The following LETM1 variants were observed in gnomAD, a reference collection of about 807,000 sequenced individuals.
LETM1 encodes the protein mitochondrial proton/calcium exchanger protein.
In LETM1, 50 loss-of-function variants were observed where a neutral mutation model predicts 74.5. The ratio of observed to expected loss-of-function variants is 0.67; its 90% CI spans 0.53 to 0.85. LETM1 has a LOEUF of 0.85. LETM1 is among the 40% of genes least tolerant of loss of function. The pLI, the probability that LETM1 is intolerant of heterozygous loss-of-function variation, is 0.00. For synonymous variants in LETM1, 446 were observed against 407.1 expected (o/e 1.10, Z -1.15); for missense variants, 824 against 967.8 (o/e 0.85, Z 1.97).
chr4:1,841,643 G>T lies in LETM1; in HGVS notation c.298C>A (p.Pro100Thr), dbSNP rs577903609. 1 of 1,614,164 alleles carries T rather than the reference G, an allele frequency of 6.2e-7. No individual in the cohort carries two copies. The highest frequency in any genetic ancestry group is 1.1e-5 in the South Asian group (1 of 91,078). ...CAGCCACGCACAGGAAGGCACTGAGGTCCCACAGCCACAAAACCCACAGAG... is the reference window on the plus strand; with the variant it reads ...CAGCCACGCACAGGAAGGCACTGAGTTCCCACAGCCACAAAACCCACAGAG... ...STSVGFVAVG[P>T]QCLPVRGWHS... The change falls in exon 3 of 14, where the codon CCT becomes ACT. Residue 100 changes from proline (P) to threonine (T), a missense_variant. Transcript: ENST00000302787.
rs1712479485 is a variant in LETM1 at position 1,836,907 on chromosome 4, C to G, written c.595-335G>C. Among the ~76,000 whole-genome samples, 2 of 152,110 alleles carry G rather than the reference C, an allele frequency of 1.3e-5. 1 individual carries two copies. The highest frequency in any genetic ancestry group is 4.2e-4 in the South Asian group (2 of 4,816). ...GCAAGTGAGGGCTGCAGGCTGAGGA[C>G]TGGGCATTACTAGCGTGGTGGAGAG... On this transcript the variant is annotated intron_variant, in intron 3 of 13. Transcript: ENST00000302787. The surrounding 1 kb of genome is among the most constrained non-coding windows in gnomAD (Gnocchi z 5.8).
At position 1,855,940 on chromosome 4, in the gene LETM1, A is replaced by T; in HGVS notation, c.11T>A (p.Ile4Asn). 1 of 1,224,276 alleles carries T rather than the reference A, an allele frequency of 8.2e-7. No individual in the cohort carries two copies. The highest frequency in any genetic ancestry group is 1.6e-5 in the African/African-American group (1 of 63,422). 75.8% of individuals were successfully genotyped at this position (1,224,276 alleles called of 1,614,324 possible). Residue 4 changes from isoleucine (I) to asparagine (N), a missense_variant, in exon 1 of 14, where the codon ATC becomes AAC. By Grantham distance (149) the Ile-to-Asn change is moderately radical. Coordinates refer to ENST00000302787, the MANE Select transcript of LETM1 (RefSeq NM_012318.3). ...CCGGCCGCGGCAGCTCCTCAGTAAG[A>T]TGGACGCCATGTGCTCGGGCGCGGC... Reference protein sequence around the residue: MASILLRSCRGRAP... With the variant: MASNLLRSCRGRAP...
chr4:1,821,120 G>GA (rs1711758585), intron 10 of LETM1, among the ~76,000 whole-genome samples: 1 of 149,630 alleles, frequency 6.7e-6, no homozygotes. Flanking sequence ...GCTAAAAAGT[G>GA]AAATTTTTTT....
In LETM1 at chr4:1,836,946, C is replaced by T. The variant is rs529904838; in HGVS notation, c.595-374G>A. Among the ~76,000 whole-genome samples, 1 of 152,306 alleles carries T rather than the reference C, an allele frequency of 6.6e-6. No individual in the cohort carries two copies. The highest frequency in any genetic ancestry group is 2.1e-4 in the South Asian group (1 of 4,828). ...CGTGGTGGAGAGTCACCAGGATAGG[C>T]TGAGCCACACCTTCTCTTGGAGGGT... is the stretch of plus-strand genomic sequence containing the variant. On this transcript the variant is annotated intron_variant, in intron 3 of 13. Transcript: ENST00000302787. The surrounding 1 kb of genome is among the most constrained non-coding windows in gnomAD (Gnocchi z 5.8).
At chr4:1,823,263 A>C (rs1711855345) in intron 8 of LETM1, 132 bp from the exon 9 acceptor site, 3 of 1,243,890 alleles carry the variant, frequency 2.4e-6, no homozygotes, top group Non-Finnish European at 3.3e-6. Context: ...GACAGAAGGC[A>C]CTGCCGAGGT....
intron 2 of LETM1, among the ~76,000 whole-genome samples, chr4:1,848,547 CAA>C (rs35425818): frequency 1.7e-4 from 12 of 72,254 alleles, no homozygotes; most frequent in Admixed American, 4.9e-4. Context: ...GACTCCGTCT[CAA>C]AAAAAAAAAA....
At chr4:1,815,201 G>T (rs1283175201) in intron 13 of LETM1, among the ~76,000 whole-genome samples, 1 of 152,212 alleles carries the variant, frequency 6.6e-6, no homozygotes, top group Non-Finnish European at 1.5e-5. Flanking sequence ...GCTGCACTTG[G>T]GAGCTCAGCC....
intron 11 of LETM1, 69 bp downstream of exon 11, chr4:1,819,269 C>CT (rs952993688): frequency 6.7e-7 from 1 of 1,481,754 alleles, no homozygotes; most frequent in Non-Finnish European, 9.1e-7. Flanking sequence ...ATTATGTATA[C>CT]TTTTGGGGCC....
At chr4:1,833,066 ACTT>A (rs764381876) in intron 5 of LETM1, 119 bp from the exon 6 acceptor site, 255 of 802,768 alleles carry the variant, frequency 3.2e-4, no homozygotes, top group African/African-American at 5.0e-4. Context: ...ACCACTGACT[ACTT>A]CTTCTTTTTT....
intron 8 of LETM1, 25 bp from the exon 9 acceptor site, chr4:1,823,156 G>C (rs766506247): frequency 1.2e-5 from 18 of 1,556,956 alleles, no homozygotes; most frequent in Non-Finnish European, 1.6e-5. Context: ...ACATCTGTGG[G>C]TGAGCCCAGA....
intron 6 of LETM1, among the ~76,000 whole-genome samples, chr4:1,828,486 G>A (rs1163584159): frequency 4.2e-5 from 5 of 120,144 alleles, no homozygotes; most frequent in African/African-American, 7.2e-5. Context: ...CGGACGGGGC[G>A]GCTGGCCGGG....
rs779899501 is a variant in LETM1, at chr4:1,823,057, C to T, written c.1407G>A (p.Thr469=). The change falls in exon 9 of 14, where the codon ACG becomes ACA. Residue 469 remains threonine, a synonymous_variant. Coordinates refer to ENST00000302787, the MANE Select transcript of LETM1 (RefSeq NM_012318.3). ...GCTGGATGGCCGCCTCCTCCTGCAG[C>T]GTGGCCTCCAGCTTGGCCTTGTTGT... is the stretch of plus-strand genomic sequence containing the variant. ...QVDNKAKLEA[T]LQEEAAIQQE... is the part of the protein sequence containing the mutation. The T allele has an allele frequency of 5.0e-6, 8 of 1,610,134 alleles. No individual in the cohort carries two copies. The Admixed American group carries it at 5.0e-5, about 10-fold the overall frequency.
chr4:1,832,299 T>C (rs1285599834), intron 6 of LETM1, among the ~76,000 whole-genome samples: 1 of 149,258 alleles, frequency 6.7e-6, no homozygotes, highest in Non-Finnish European at 1.5e-5. Context: ...CGAAACACCG[T>C]CTCAAAAAAA....
Position 1,834,362 on chromosome 4 carries a change from C to T in LETM1, c.876+483G>A. 2 of 987,682 alleles carry T rather than the reference C, an allele frequency of 2.0e-6. No homozygotes were observed. The highest frequency in any genetic ancestry group is 9.3e-5 in the South Asian group (2 of 21,516). 61.2% of individuals were successfully genotyped at this position (987,682 alleles called of 1,614,324 possible). On this transcript the variant is annotated intron_variant, in intron 5 of 13. Coordinates refer to ENST00000302787, the MANE Select transcript of LETM1 (RefSeq NM_012318.3). This position sits in a 1 kb window ranked among gnomAD's most constrained non-coding sequence, Gnocchi z 5.0. The stretch of plus-strand genomic sequence containing the variant: ...GTGGCAGCTGCCGTCTCCCCATCCT[C>T]ACCTCACTCACCACATGACCGCAGG...
chr4:1,817,002 T>G (rs750951405), intron 11 of LETM1, 88 bp from the exon 12 acceptor site: 222 of 1,132,174 alleles, frequency 2.0e-4, no homozygotes, highest in Non-Finnish European at 2.6e-4. Context: ...TCCCAGTACT[T>G]TGCAAGGCCA....
At chr4:1,854,298 G>A (rs903935880) in intron 1 of LETM1, among the ~76,000 whole-genome samples, 2 of 150,532 alleles carry the variant, frequency 1.3e-5, no homozygotes, top group Admixed American at 1.3e-4. Context: ...TGACCAACAT[G>A]GTGAAACCCC....
At chr4:1,824,518 C>T (rs1261089678) in intron 7 of LETM1, among the ~76,000 whole-genome samples, 7 of 151,980 alleles carry the variant, frequency 4.6e-5, no homozygotes, top group Admixed American at 4.6e-4. Flanking sequence ...GAACACGGGG[C>T]AAAACATGAG....
At chr4:1,819,498 A>C in intron 10 of LETM1, 26 bp from the exon 11 acceptor site, 1 of 1,602,788 alleles carries the variant, frequency 6.2e-7, no homozygotes, top group Non-Finnish European at 8.5e-7. Flanking sequence ...GCAAACAACA[A>C]AGCCTGAGCC....
In LETM1 at chr4:1,853,391, A is replaced by G. The variant is rs559597458; in HGVS notation, c.82+2478T>C. On this transcript the variant is annotated intron_variant, in intron 1 of 13. Coordinates refer to ENST00000302787, the MANE Select transcript of LETM1 (RefSeq NM_012318.3). ...CACTTCAGCCTACTGATCAAGGTCAACATCAACAGTGACAAATCATTTGGA... is the reference window on the plus strand; with the variant it reads ...CACTTCAGCCTACTGATCAAGGTCAGCATCAACAGTGACAAATCATTTGGA... Among the ~76,000 whole-genome samples, 28 of 152,390 alleles carry G rather than the reference A, an allele frequency of 1.8e-4. No homozygotes were observed. In the South Asian group the frequency reaches 2.7e-3, roughly 15 times the overall value.
Sources: gnomAD v4.1 joint callset for allele counts (sites outside exome capture counted in the v4.1 genomes callset) on GRCh38, gnomAD v4.1.1 for gene constraint, Gnocchi (gnomAD v3.1) non-coding constraint, MANE v1.5 for transcripts, NCBI Gene and HGNC (gene_info 2026-07-23, HGNC 2026-07-21) for gene names.